TANC2: variants seen among roughly 807,000 people sequenced by gnomAD.
TANC2 encodes the protein tetratricopeptide repeat, ankyrin repeat and coiled-coil containing 2, also known as protein TANC2.
TANC2 carries 26 observed loss-of-function variants against 210.5 expected under a neutral mutation model. The ratio of observed to expected loss-of-function variants is 0.12; its 90% CI spans 0.09 to 0.17. TANC2 has a LOEUF of 0.17. Ranked by LOEUF, TANC2 falls within the 10% of genes least tolerant of loss-of-function variation. The pLI is 1.00. For synonymous variants in TANC2, 931 were observed against 967.1 expected (o/e 0.96, Z 0.69); for missense variants, 2,129 against 2,608.9 (o/e 0.82, Z 4.01).
Position 63,309,868 on chromosome 17 carries a change from T to G in TANC2, c.1160-4520T>G, listed in dbSNP as rs16946864. Among the ~76,000 whole-genome samples the G allele has an allele frequency of 4.0e-3, 603 of 152,126 alleles. 4 individuals carry two copies. The highest frequency in any genetic ancestry group is 0.014 in the African/African-American group (584 of 41,520). ...AGACTTACAGATAAGTGGAACAAAC[T>G]AGATAACTTAAAAACAAACCCAATA... On this transcript the variant is annotated intron_variant, in intron 9 of 27. Transcript: ENST00000689528.
At chr17:63,184,655 C>CT (rs202114362) in intron 5 of TANC2, among the ~76,000 whole-genome samples, 22,815 of 140,056 alleles carry the variant, frequency 0.16, 2,229 homozygotes, top group East Asian at 0.26. Flanking sequence ...AGTATGTATT[C>CT]TTTTTTTTTT....
intron 3 of TANC2, among the ~76,000 whole-genome samples, chr17:63,087,368 G>A (rs2037010612): frequency 6.6e-6 from 1 of 152,158 alleles, no homozygotes; most frequent in African/African-American, 2.4e-5. Context: ...TTGTCTTTTG[G>A]TGAGCCTGTG....
chr17:63,305,500 C>A (rs1248442785), intron 9 of TANC2: 1 of 152,326 alleles, frequency 6.6e-6, no homozygotes. Flanking sequence ...GCGTCTGCTT[C>A]TAGTCAGCCA....
chr17:63,252,080 A>AT (rs942801813), intron 8 of TANC2, among the ~76,000 whole-genome samples: 1 of 152,178 alleles, frequency 6.6e-6, no homozygotes, highest in African/African-American at 2.4e-5. Flanking sequence ...TTGCCAGAAG[A>AT]TTTTTTGATA....
intron 11 of TANC2, chr17:63,332,492 G>T (rs572504899): frequency 7.4e-6 from 3 of 407,164 alleles, no homozygotes; most frequent in Non-Finnish European, 9.7e-6. Flanking sequence ...TGTTCCTTGG[G>T]CCTCCTTTGC....
intron 7 of TANC2, among the ~76,000 whole-genome samples, chr17:63,226,720 C>T (rs2042337594): frequency 6.6e-6 from 1 of 152,128 alleles, no homozygotes; most frequent in South Asian, 2.1e-4. Flanking sequence ...TTAAGCCCTG[C>T]ATGCATTAGC....
Position 63,412,448 on chromosome 17 carries a change from G to A in TANC2, c.3899-232G>A, listed in dbSNP as rs1405827539. On this transcript the variant is annotated intron_variant, in intron 23 of 27. Transcript: ENST00000689528. The surrounding 1 kb of genome is among the most constrained non-coding windows in gnomAD (Gnocchi z 4.2). ...CTCTATCAGCATCCTGGATCTCTGC[G>A]CTGCCGTGAGCCTTTGCTTTCCCTT... Among the ~76,000 whole-genome samples the A allele has an allele frequency of 6.6e-6, 1 of 152,084 alleles. No homozygotes were observed. Among genetic ancestry groups the A allele is most frequent in the South Asian group, 2.1e-4 (1 of 4,810 alleles).
chr17:63,094,035 T>C (rs1393084530), intron 3 of TANC2, among the ~76,000 whole-genome samples: 1 of 152,196 alleles, frequency 6.6e-6, no homozygotes, highest in Admixed American at 6.5e-5. Flanking sequence ...TGTAATGATA[T>C]TGGTTAAATG....
At chr17:63,175,884 A>G (rs2040563161) in intron 5 of TANC2, among the ~76,000 whole-genome samples, 1 of 152,260 alleles carries the variant, frequency 6.6e-6, no homozygotes, top group Non-Finnish European at 1.5e-5. Context: ...AAGTTTTAAA[A>G]TGGATGAAAT....
chr17:63,131,456 G>GA (rs1412556555), intron 4 of TANC2, among the ~76,000 whole-genome samples: 2 of 150,214 alleles, frequency 1.3e-5, no homozygotes, highest in African/African-American at 2.4e-5. Context: ...TCCACTCCCA[G>GA]AAAAAAAGGG....
At chr17:63,132,818 A>G (rs1000658033) in intron 4 of TANC2, among the ~76,000 whole-genome samples, 2 of 152,258 alleles carry the variant, frequency 1.3e-5, no homozygotes, top group African/African-American at 4.8e-5. Flanking sequence ...AACAAGCCGG[A>G]AAGCTACTGG....
At chr17:63,305,069 C>G (rs1361265805) in intron 9 of TANC2, among the ~76,000 whole-genome samples, 3 of 152,216 alleles carry the variant, frequency 2.0e-5, no homozygotes, top group Non-Finnish European at 1.5e-5. Flanking sequence ...ATGGCTTAGA[C>G]AGCAGGCAGC....
At chr17:62,972,676 A>G (rs1440045985) in intron 1 of TANC2, among the ~76,000 whole-genome samples, 1 of 152,176 alleles carries the variant, frequency 6.6e-6, no homozygotes, top group Non-Finnish European at 1.5e-5. Context: ...CTGAATGGAT[A>G]AAGTGGAAAC....
intron 5 of TANC2, among the ~76,000 whole-genome samples, chr17:63,172,453 A>T (rs2040437961): frequency 6.6e-6 from 1 of 152,010 alleles, no homozygotes; most frequent in African/African-American, 2.4e-5. Context: ...AGGTACTGGG[A>T]TTACAGGTGT....
chr17:63,218,386 G>C (rs1488041951), intron 7 of TANC2, among the ~76,000 whole-genome samples: 1 of 152,102 alleles, frequency 6.6e-6, no homozygotes, highest in East Asian at 1.9e-4. Context: ...GTAAAAACCT[G>C]GATGCTTTCC....
intron 2 of TANC2, among the ~76,000 whole-genome samples, chr17:63,072,711 T>C (rs1487630748): frequency 6.6e-6 from 1 of 152,112 alleles, no homozygotes; most frequent in Non-Finnish European, 1.5e-5. Flanking sequence ...AATGTACTTA[T>C]TATTTTGTAT....
chr17:63,148,137 CTAATG>C (rs2039525408), intron 4 of TANC2: 1 of 152,208 alleles, frequency 6.6e-6, no homozygotes. Flanking sequence ...AAATAGGACT[CTAATG>C]TAAGCATTCT....
intron 2 of TANC2, among the ~76,000 whole-genome samples, chr17:63,070,765 C>T (rs552880363): frequency 8.6e-5 from 13 of 152,030 alleles, no homozygotes; most frequent in Non-Finnish European, 1.5e-4. Flanking sequence ...TAGAGTAGAA[C>T]CACATGTGTT....
chr17:63,361,067 C>A (rs2046943774), intron 14 of TANC2, among the ~76,000 whole-genome samples: 1 of 152,186 alleles, frequency 6.6e-6, no homozygotes, highest in Admixed American at 6.5e-5. Context: ...TAAGTTACTT[C>A]CAAATCTTGG....
Sources: allele counts gnomAD v4.1 joint callset (sites outside exome capture counted in the v4.1 genomes callset), GRCh38; gene constraint gnomAD v4.1.1; non-coding constraint Gnocchi (gnomAD v3.1); transcripts MANE v1.5; gene names NCBI Gene and HGNC (gene_info 2026-07-23, HGNC 2026-07-21).